Variants in UNC13A observed in about 807,000 individuals in gnomAD.
The protein encoded by UNC13A is protein unc-13 homolog A.
Under a neutral mutation model 219.7 loss-of-function variants are expected in UNC13A, and 61 were observed. The ratio of observed to expected loss-of-function variants is 0.28; its 90% confidence interval spans 0.23 to 0.34. UNC13A has a LOEUF of 0.34. Among genes scored for constraint, UNC13A ranks in the 10% least tolerant of loss-of-function variants. The pLI is 1.00. For missense variants in UNC13A, 1,476 were observed against 2,270.3 expected (o/e 0.65, Z 7.11); for synonymous variants, 920 against 884.6 (o/e 1.04, Z -0.71).
At chr19:17,652,928 T>C (rs541890682) in intron 11 of UNC13A, among the ~76,000 whole-genome samples, 2 of 152,192 alleles carry the variant, frequency 1.3e-5, no homozygotes, top group Non-Finnish European at 2.9e-5. Context: ...TCATTGATTA[T>C]TCCCTAAACC....
chr19:17,671,121 C>T (rs1284933944), intron 4 of UNC13A, among the ~76,000 whole-genome samples: 1 of 151,960 alleles, frequency 6.6e-6, no homozygotes, highest in African/African-American at 2.4e-5. Flanking sequence ...CACCCCCAGC[C>T]CCATGAGGTC....
At chr19:17,678,297 G>T (rs533771424) in intron 1 of UNC13A, among the ~76,000 whole-genome samples, 1 of 152,272 alleles carries the variant, frequency 6.6e-6, no homozygotes, top group East Asian at 1.9e-4. Context: ...TGAACAACAT[G>T]GGGAAACCTC....
intron 1 of UNC13A, 144 bp downstream of exon 1, chr19:17,688,034 C>T: frequency 1.9e-6 from 2 of 1,032,414 alleles, no homozygotes; most frequent in Non-Finnish European, 2.6e-6. Context: ...GGCCCAGCTG[C>T]GTCGACAAGG....
chr19:17,626,922 G>A (rs920076564), intron 33 of UNC13A, 137 bp from the exon 34 acceptor site: 22 of 1,308,154 alleles, frequency 1.7e-5, no homozygotes, highest in Admixed American at 1.2e-4. Flanking sequence ...GGCCAGATGC[G>A]GTGGCTCACG....
At chr19:17,662,719 GA>G (rs1223095673) in intron 8 of UNC13A, among the ~76,000 whole-genome samples, 1 of 152,080 alleles carries the variant, frequency 6.6e-6, no homozygotes, top group Non-Finnish European at 1.5e-5. Context: ...AGGAGATCGA[GA>G]CCCTCCTGGC....
intron 8 of UNC13A, among the ~76,000 whole-genome samples, chr19:17,662,499 C>G (rs1213216881): frequency 1.3e-5 from 2 of 152,072 alleles, no homozygotes; most frequent in Non-Finnish European, 1.5e-5. Flanking sequence ...ATAAAGTGCA[C>G]AACAAATGCA....
intron 4 of UNC13A, among the ~76,000 whole-genome samples, chr19:17,671,902 C>A (rs1461344687): frequency 6.6e-6 from 1 of 152,226 alleles, no homozygotes; most frequent in Non-Finnish European, 1.5e-5. Flanking sequence ...TGCTGCCCAT[C>A]TGGGACACAA....
intron 5 of UNC13A, among the ~76,000 whole-genome samples, chr19:17,668,450 G>A (rs771481161): frequency 5.9e-5 from 9 of 152,138 alleles, no homozygotes; most frequent in Non-Finnish European, 1.3e-4. Flanking sequence ...TAGCCTTTAC[G>A]AGGGTGGGGA....
chr19:17,639,608 C>T, intron 23 of UNC13A, 83 bp from the exon 24 acceptor site: 1 of 1,450,124 alleles, frequency 6.9e-7, no homozygotes, highest in Non-Finnish European at 9.4e-7. Context: ...GATACAAAGG[C>T]TCCCCGGTTT....
rs1432576570 is a variant in UNC13A, at chr19:17,602,544, T to C, written c.*3510A>G. ...TCCAGGGTTCAGAACCCTGGAGGTGTCATCCAAGGCCGGGCTCTGTGTCCA... is the reference window on the plus strand; with the variant it reads ...TCCAGGGTTCAGAACCCTGGAGGTGCCATCCAAGGCCGGGCTCTGTGTCCA... On this transcript the variant is annotated 3_prime_UTR_variant, in exon 44 of 44. Transcript: ENST00000519716. 1.3e-5 allele frequency: 2 copies of C among 152,254 alleles called. No individual in the cohort carries two copies. The highest frequency in any genetic ancestry group is 4.8e-5 in the African/African-American group (2 of 41,460). 9.4% of individuals were successfully genotyped at this position (152,254 alleles called of 1,614,324 possible). A position where few individuals can be genotyped will look rare whatever the true frequency, so the allele number is the denominator to read the frequency against.
At chr19:17,651,603 C>T (rs1320188124) in intron 12 of UNC13A, among the ~76,000 whole-genome samples, 1 of 152,206 alleles carries the variant, frequency 6.6e-6, no homozygotes, top group Non-Finnish European at 1.5e-5. Context: ...GGCTATTCAA[C>T]CTACAAAGCT....
chr19:17,683,934 A>G (rs983742863), intron 1 of UNC13A, among the ~76,000 whole-genome samples: 2 of 152,014 alleles, frequency 1.3e-5, no homozygotes, highest in African/African-American at 4.8e-5. Flanking sequence ...GCAAAAAATT[A>G]AAAAGAAAAA....
chr19:17,684,106 CA>C (rs561904650), intron 1 of UNC13A, among the ~76,000 whole-genome samples: 309 of 152,226 alleles, frequency 2.0e-3, no homozygotes, highest in African/African-American at 6.4e-3. Context: ...TGTCTCAAAA[CA>C]AAACAAAACA....
In UNC13A at chr19:17,624,821, G is replaced by A; in HGVS notation, c.4197+8C>T. On this transcript the variant is annotated splice_region_variant and intron_variant, in intron 35 of 43. Coordinates refer to ENST00000519716, the MANE Select transcript of UNC13A (RefSeq NM_001080421.3). ...TAAATGTCCCCTCGGGCCCCCTGCA[G>A]GTCTCACCGTCTGGTCAGTGAGGGG... The A allele has an allele frequency of 1.2e-6, 2 of 1,611,866 alleles. No homozygotes were observed. Among genetic ancestry groups the A allele is most frequent in the South Asian group, 1.1e-5 (1 of 90,848 alleles).
intron 31 of UNC13A, chr19:17,628,322 ACC>A: frequency 5.0e-5 from 8 of 160,602 alleles, no homozygotes; most frequent in South Asian, 3.2e-4. Context: ...GTGTGCCCTC[ACC>A]CCGAGATATA....
chr19:17,646,579 T>C (rs940423948), intron 17 of UNC13A, among the ~76,000 whole-genome samples: 2 of 152,052 alleles, frequency 1.3e-5, no homozygotes, highest in African/African-American at 4.8e-5. Flanking sequence ...CCAGCTGCCT[T>C]GCGCATGGGT....
In UNC13A at chr19:17,627,403, G is replaced by T. The variant is rs2076794616; in HGVS notation, c.3920+106C>A. ...TGAACTCAGCCTTGTCTAACTCTGA[G>T]CCTGCAATCTTCACCTCTACATCTG... On this transcript the variant is annotated intron_variant, in intron 33 of 43. Coordinates refer to ENST00000519716, the MANE Select transcript of UNC13A (RefSeq NM_001080421.3). The surrounding 1 kb of genome is among the most constrained non-coding windows in gnomAD (Gnocchi z 4.7). The T allele has an allele frequency of 2.3e-6, 2 of 861,378 alleles. No homozygotes were observed. The highest frequency in any genetic ancestry group is 1.7e-5 in the African/African-American group (1 of 59,276). The allele number at this position is 861,378 out of a possible 1,614,324, so 53.4% of individuals were successfully genotyped here.
chr19:17,657,269 T>C (rs2079474554), intron 9 of UNC13A, among the ~76,000 whole-genome samples: 1 of 152,204 alleles, frequency 6.6e-6, no homozygotes, highest in Non-Finnish European at 1.5e-5. Context: ...CCGGCCACGC[T>C]GGCCACCTCG....
intron 1 of UNC13A, among the ~76,000 whole-genome samples, chr19:17,676,454 AAG>A (rs1208675675): frequency 6.6e-6 from 1 of 152,134 alleles, no homozygotes; most frequent in Non-Finnish European, 1.5e-5. Context: ...ATTAGAAAGA[AAG>A]AGCTGGGCAG....
Sources: gnomAD v4.1 joint callset for allele counts (sites outside exome capture counted in the v4.1 genomes callset) on GRCh38, gnomAD v4.1.1 for gene constraint, Gnocchi (gnomAD v3.1) non-coding constraint, MANE v1.5 for transcripts, NCBI Gene and HGNC (gene_info 2026-07-23, HGNC 2026-07-21) for gene names.